Variants in GABRA4 observed in about 807,000 individuals in gnomAD.
GABRA4 encodes the protein gamma-aminobutyric acid receptor subunit alpha-4.
A neutral mutation model predicts 49.7 loss-of-function variants in GABRA4; 12 were observed. That is an observed-to-expected ratio of 0.24 (90% CI 0.15 to 0.39). The LOEUF (loss-of-function observed/expected upper bound fraction) is 0.39. Among genes scored for constraint, GABRA4 ranks in the 10% least tolerant of loss-of-function variants. The probability of loss-of-function intolerance (pLI) is 1.00; values close to 1 mark genes in which losing one functional copy is unlikely to be tolerated. For missense variants in GABRA4, 506 were observed against 686.0 expected (o/e 0.74, Z 2.93); for synonymous variants, 288 against 240.2 (o/e 1.20, Z -1.84).
At chr4:46,953,754 G>A (rs1329921982) in intron 8 of GABRA4, among the ~76,000 whole-genome samples, 1 of 152,120 alleles carries the variant, frequency 6.6e-6, no homozygotes, top group Non-Finnish European at 1.5e-5. Flanking sequence ...ATGGGATAGA[G>A]TTTCAAAGTA....
Position 46,926,818 on chromosome 4 carries a change from C to T in GABRA4, c.*1407G>A, listed in dbSNP as rs529358879. 8 of 151,958 alleles carry T rather than the reference C, an allele frequency of 5.3e-5. No individual in the cohort carries two copies. The highest frequency in any genetic ancestry group is 1.9e-4 in the African/African-American group (8 of 41,502). The allele number at this position is 151,958 out of a possible 1,614,324, so 9.4% of individuals were successfully genotyped here. A position where few individuals can be genotyped will look rare whatever the true frequency, so the allele number is the denominator to read the frequency against. Reference sequence around the variant, plus strand: ...GAGAAAGAAGTCAGTAGATGAAAACCCTGATAAATCACATAGCAGAGTCAG... The same window carrying T: ...GAGAAAGAAGTCAGTAGATGAAAACTCTGATAAATCACATAGCAGAGTCAG... On this transcript the variant is annotated 3_prime_UTR_variant, in exon 9 of 9. Transcript: ENST00000264318.
In GABRA4 at chr4:46,926,947, A is replaced by G. The variant is rs1721252483; in HGVS notation, c.*1278T>C. ...TTATTAAACCTTAAAAAAACTCCCA[A>G]AAAAACCAACATGATGACTGCCCAG... On this transcript the variant is annotated 3_prime_UTR_variant, in exon 9 of 9. Transcript: ENST00000264318. The G allele has an allele frequency of 6.6e-6, 1 of 151,872 alleles. No individual in the cohort carries two copies. Among genetic ancestry groups the G allele is most frequent in the Non-Finnish European group, 1.5e-5 (1 of 67,902 alleles). 9.4% of individuals were successfully genotyped at this position (151,872 alleles called of 1,614,324 possible).
At chr4:46,976,533 T>G (rs1034327185) in intron 5 of GABRA4, among the ~76,000 whole-genome samples, 2 of 151,798 alleles carry the variant, frequency 1.3e-5, no homozygotes, top group East Asian at 3.9e-4. Context: ...GCTTTTGCCA[T>G]GCTTCAGTCA....
chr4:46,986,331 A>G (rs1191758317), intron 2 of GABRA4, among the ~76,000 whole-genome samples: 1 of 152,084 alleles, frequency 6.6e-6, no homozygotes, highest in African/African-American at 2.4e-5. Context: ...TGCTCCATCA[A>G]AACAGTCAAA....
In GABRA4 at chr4:46,927,137, C is replaced by A. The variant is rs947184413; in HGVS notation, c.*1088G>T. On this transcript the variant is annotated 3_prime_UTR_variant, in exon 9 of 9. Transcript: ENST00000264318. ...TACTCTGTGACTCTGATCAAATTTG[C>A]GACAGTTAATCTATTAAGTCTTATA... 2 of 152,010 alleles carry A rather than the reference C, an allele frequency of 1.3e-5. No homozygotes were observed. The allele number at this position is 152,010 out of a possible 1,614,324, so 9.4% of individuals were successfully genotyped here. A position where few individuals can be genotyped will look rare whatever the true frequency, so the allele number is the denominator to read the frequency against.
At chr4:46,955,238 C>T (rs1722300798) in intron 8 of GABRA4, among the ~76,000 whole-genome samples, 1 of 152,016 alleles carries the variant, frequency 6.6e-6, no homozygotes, top group Non-Finnish European at 1.5e-5. Context: ...TACTATGTTG[C>T]CTTACTCCCT....
Position 46,971,131 on chromosome 4 carries a change from C to G in GABRA4, c.826G>C (p.Val276Leu), listed in dbSNP as rs1175675512. The G allele has an allele frequency of 6.2e-7, 1 of 1,609,446 alleles. No homozygotes were observed. Among genetic ancestry groups the G allele is most frequent in the Admixed American group, 1.7e-5 (1 of 59,640 alleles). ...GATTCTTTATTTATCCAAAATGAAA[C>G]TTGAGAAAGAATCACTGTCATAATG... ...PCIMTVILSQ[V>L]SFWINKESVP... The change falls in exon 7 of 9, where the codon GTT becomes CTT. Residue 276 changes from valine (V) to leucine (L), a missense_variant. Physicochemically the swap from Val to Leu is conservative, Grantham distance 32. Transcript: ENST00000264318.
chr4:46,963,603 CCA>C (rs1410155263), intron 8 of GABRA4, among the ~76,000 whole-genome samples: 1 of 151,774 alleles, frequency 6.6e-6, no homozygotes, highest in East Asian at 1.9e-4. Context: ...CTTTTTGTTC[CCA>C]GTTTCAGGTA....
intron 5 of GABRA4, among the ~76,000 whole-genome samples, chr4:46,975,291 A>G (rs1462880320): frequency 6.6e-6 from 1 of 152,004 alleles, no homozygotes; most frequent in Non-Finnish European, 1.5e-5. Flanking sequence ...TTATGAAACA[A>G]ACTATGAGGC....
At position 46,920,952 on chromosome 4, in the gene GABRA4, T is replaced by C. The variant is rs1288824559; in HGVS notation, c.*7273A>G. 8 of 151,810 alleles carry C rather than the reference T, an allele frequency of 5.3e-5. No homozygotes were observed. Among genetic ancestry groups the C allele is most frequent in the Non-Finnish European group, 1.0e-4 (7 of 67,754 alleles). 9.4% of individuals were successfully genotyped at this position (151,810 alleles called of 1,614,324 possible). ...TTTCAAATACATTTGTGTAATTCTT[T>C]TTTGCAGGTTAGTATTTTCAATTAA... On this transcript the variant is annotated 3_prime_UTR_variant, in exon 9 of 9. Coordinates refer to ENST00000264318, the MANE Select transcript of GABRA4 (RefSeq NM_000809.4).
rs140786767 is a variant in GABRA4, at chr4:46,961,471, C to T, written c.1134+3499G>A. Among the ~76,000 whole-genome samples the T allele has an allele frequency of 3.9e-3, 597 of 151,888 alleles. 6 individuals are homozygous for T. The highest frequency in any genetic ancestry group is 0.014 in the African/African-American group (582 of 41,464). On this transcript the variant is annotated intron_variant, in intron 8 of 8. Transcript: ENST00000264318. ...ATTGTCTGCCTCCTCTCCCTTGCCCCACACAAGTAAATGTAAGCTCCACCT... is the reference window on the plus strand; with the variant it reads ...ATTGTCTGCCTCCTCTCCCTTGCCCTACACAAGTAAATGTAAGCTCCACCT...
In GABRA4 at chr4:46,920,537, T is replaced by A. The variant is rs1194293732; in HGVS notation, c.*7688A>T. 1 of 151,740 alleles carries A rather than the reference T, an allele frequency of 6.6e-6. No homozygotes were observed. The highest frequency in any genetic ancestry group is 1.5e-5 in the Non-Finnish European group (1 of 67,696). The allele number at this position is 151,740 out of a possible 1,614,324, so 9.4% of individuals were successfully genotyped here. A position where few individuals can be genotyped will look rare whatever the true frequency, so the allele number is the denominator to read the frequency against. ...GAAAAAATCCTAATTGCACTTCACA[T>A]GATGATATTCATATATGATCTGCAA... On this transcript the variant is annotated 3_prime_UTR_variant, in exon 9 of 9. Coordinates refer to ENST00000264318, the MANE Select transcript of GABRA4 (RefSeq NM_000809.4).
At chr4:46,946,625 G>T (rs114857933) in intron 8 of GABRA4, among the ~76,000 whole-genome samples, 1 of 152,074 alleles carries the variant, frequency 6.6e-6, no homozygotes. Flanking sequence ...AACATTCTGC[G>T]AATAGGAAAG....
intron 8 of GABRA4, among the ~76,000 whole-genome samples, chr4:46,942,005 A>C (rs538741764): frequency 1.3e-5 from 2 of 152,266 alleles, no homozygotes; most frequent in South Asian, 4.1e-4. Context: ...TTGGGTTATA[A>C]ATAAGCAAAC....
chr4:46,958,051 A>G (rs777113442), intron 8 of GABRA4, among the ~76,000 whole-genome samples: 21 of 152,094 alleles, frequency 1.4e-4, no homozygotes, highest in Non-Finnish European at 2.5e-4. Context: ...TTATATGTAT[A>G]TAAAATACAT....
intron 8 of GABRA4, among the ~76,000 whole-genome samples, chr4:46,949,562 G>A (rs1019524869): frequency 6.6e-6 from 1 of 151,954 alleles, no homozygotes; most frequent in African/African-American, 2.4e-5. Context: ...TCATTTGCTA[G>A]GAATTTGAAG....
chr4:46,939,525 T>C (rs1160894777), intron 8 of GABRA4, among the ~76,000 whole-genome samples: 1 of 152,048 alleles, frequency 6.6e-6, no homozygotes, highest in Admixed American at 6.6e-5. Context: ...ACAATTAAAA[T>C]GTGTTATTCA....
rs1033070566 is a variant in GABRA4, at chr4:46,919,910, C to T, written c.*8315G>A. 1 of 151,614 alleles carries T rather than the reference C, an allele frequency of 6.6e-6. No homozygotes were observed. Among genetic ancestry groups the T allele is most frequent in the Non-Finnish European group, 1.5e-5 (1 of 67,630 alleles). 9.4% of individuals were successfully genotyped at this position (151,614 alleles called of 1,614,324 possible). Reference sequence around the variant, plus strand: ...GAAAACCGGATTCTCATTCAATTTACAATGAAGCTCCCTCAAAATCATATA... The same window carrying T: ...GAAAACCGGATTCTCATTCAATTTATAATGAAGCTCCCTCAAAATCATATA... On this transcript the variant is annotated 3_prime_UTR_variant, in exon 9 of 9. Coordinates refer to ENST00000264318, the MANE Select transcript of GABRA4 (RefSeq NM_000809.4).
intron 8 of GABRA4, among the ~76,000 whole-genome samples, chr4:46,954,114 G>A (rs1321091885): frequency 6.6e-6 from 1 of 152,078 alleles, no homozygotes; most frequent in Non-Finnish European, 1.5e-5. Flanking sequence ...TATAATTGAT[G>A]TTTTTATTGC....
Sources: allele counts gnomAD v4.1 joint callset (sites outside exome capture counted in the v4.1 genomes callset), GRCh38; gene constraint gnomAD v4.1.1; transcripts MANE v1.5; gene names NCBI Gene and HGNC (gene_info 2026-07-23, HGNC 2026-07-21).